TENM2: variants seen among roughly 807,000 people sequenced by gnomAD.
TENM2 encodes the protein teneurin transmembrane protein 2, also known as teneurin-2.
TENM2 carries 52 observed loss-of-function variants against 245.2 expected under a neutral mutation model. The observed-to-expected ratio is 0.21, with a 90% CI of 0.17 to 0.27. TENM2 has a LOEUF of 0.27. Ranked by LOEUF, TENM2 falls within the 10% of genes least tolerant of loss-of-function variation. The pLI is 1.00. For missense variants in TENM2, 3,046 were observed against 3,666.8 expected, an observed-to-expected ratio of 0.83 and a Z score of 4.37; for synonymous variants, 1,363 against 1,438.9, an observed-to-expected ratio of 0.95 and a Z score of 1.19.
intron 2 of TENM2, among the ~76,000 whole-genome samples, chr5:167,777,583 C>T (rs1459047483): frequency 6.6e-6 from 1 of 152,042 alleles, no homozygotes; most frequent in East Asian, 1.9e-4. Context: ...TGAGAAAGTT[C>T]CCTTGAAATT....
At chr5:168,206,115 G>A (rs1422705526) in intron 19 of TENM2, among the ~76,000 whole-genome samples, 3 of 152,224 alleles carry the variant, frequency 2.0e-5, no homozygotes, top group Admixed American at 6.5e-5. Context: ...CAACTGAGTG[G>A]ATGATGGCAT....
At chr5:168,102,870 TG>T (rs1205690374) in intron 9 of TENM2, among the ~76,000 whole-genome samples, 4 of 152,212 alleles carry the variant, frequency 2.6e-5, no homozygotes, top group African/African-American at 9.6e-5. Context: ...ATCAATGATA[TG>T]AGGTAAATTC....
At chr5:168,125,669 A>C (rs1043089297) in intron 11 of TENM2, among the ~76,000 whole-genome samples, 1 of 152,228 alleles carries the variant, frequency 6.6e-6, no homozygotes, top group Non-Finnish European at 1.5e-5. Flanking sequence ...GACAGCTGTC[A>C]GATTGCCATG....
At chr5:167,778,043 T>C (rs1031746899) in intron 2 of TENM2, among the ~76,000 whole-genome samples, 3 of 152,204 alleles carry the variant, frequency 2.0e-5, no homozygotes, top group Admixed American at 6.5e-5. Flanking sequence ...GTTGAGTAGT[T>C]GCACCACATG....
At chr5:167,726,841 A>G (rs1760043172) in intron 2 of TENM2, among the ~76,000 whole-genome samples, 1 of 152,154 alleles carries the variant, frequency 6.6e-6, no homozygotes, top group Admixed American at 6.5e-5. Flanking sequence ...GAGCTTGCTA[A>G]TGGCCACAGA....
intron 2 of TENM2, among the ~76,000 whole-genome samples, chr5:167,452,950 T>TATATATATATATATATATTTTAA (rs1554157772): frequency 2.0e-4 from 20 of 99,646 alleles, no homozygotes; most frequent in African/African-American, 6.4e-4. Context: ...TATATATATA[T>TATATATATATATATATATTTTAA]ATATATATAT....
intron 27 of TENM2, among the ~76,000 whole-genome samples, chr5:168,250,473 A>ACACT (rs1414674272): frequency 1.3e-5 from 2 of 152,208 alleles, no homozygotes; most frequent in Non-Finnish European, 2.9e-5. Flanking sequence ...GGAGGCATCG[A>ACACT]CACTCAGGTG....
At chr5:167,031,207 G>A in the TENM2 span, among the ~76,000 whole-genome samples, 8 of 152,222 alleles carry the variant, frequency 5.3e-5, no homozygotes, top group Non-Finnish European at 1.0e-4. Flanking sequence ...GTCTAGGATT[G>A]AGAAATCCAC....
intron 23 of TENM2, among the ~76,000 whole-genome samples, chr5:168,220,502 A>T (rs373199117): frequency 2.6e-5 from 4 of 152,240 alleles, no homozygotes; most frequent in African/African-American, 9.6e-5. Flanking sequence ...ATTGAAACTG[A>T]ATTTTTTTAT....
the TENM2 span, among the ~76,000 whole-genome samples, chr5:167,127,588 G>C: frequency 2.8e-5 from 4 of 142,270 alleles, no homozygotes; most frequent in Non-Finnish European, 6.0e-5. Flanking sequence ...GTCTTGAAAA[G>C]GAAAGCCCTG....
intron 2 of TENM2, among the ~76,000 whole-genome samples, chr5:167,522,858 G>A (rs1267503046): frequency 6.6e-6 from 1 of 152,068 alleles, no homozygotes; most frequent in Non-Finnish European, 1.5e-5. Flanking sequence ...AGGCAGCTAT[G>A]TGTGTTAGTA....
At chr5:168,258,886 A>T (rs959991531) in intron 27 of TENM2, among the ~76,000 whole-genome samples, 5 of 151,348 alleles carry the variant, frequency 3.3e-5, no homozygotes, top group South Asian at 2.1e-4. Flanking sequence ...TTTTTTTTTT[A>T]AAGGGAAATG....
At chr5:167,497,316 G>C (rs1768883542) in intron 2 of TENM2, among the ~76,000 whole-genome samples, 1 of 152,022 alleles carries the variant, frequency 6.6e-6, no homozygotes, top group African/African-American at 2.4e-5. Context: ...GAACAGGAAA[G>C]CTAGCTGGCT....
the TENM2 span, among the ~76,000 whole-genome samples, chr5:167,169,115 C>G: frequency 6.6e-6 from 1 of 152,100 alleles, no homozygotes; most frequent in Non-Finnish European, 1.5e-5. Context: ...AGCGTCTGTA[C>G]AGAGGGATAT....
At chr5:167,620,374 A>G (rs1387980613) in intron 2 of TENM2, among the ~76,000 whole-genome samples, 1 of 152,142 alleles carries the variant, frequency 6.6e-6, no homozygotes, top group Non-Finnish European at 1.5e-5. Context: ...GCTCTTGATC[A>G]TAATTTACTG....
chr5:168,035,243 C>T (rs79177976), intron 5 of TENM2, among the ~76,000 whole-genome samples: 2,357 of 152,254 alleles, frequency 0.015, 58 homozygotes, highest in African/African-American at 0.053. Flanking sequence ...TGCAGTGGCT[C>T]ACGCCTGTAA....
chr5:167,844,447 C>A (rs1769845334), intron 2 of TENM2, among the ~76,000 whole-genome samples: 1 of 152,214 alleles, frequency 6.6e-6, no homozygotes, highest in Admixed American at 6.5e-5. Flanking sequence ...TAATTTGCTG[C>A]AGGAACCTTG....
chr5:167,847,354 C>T (rs1233668265), intron 2 of TENM2, among the ~76,000 whole-genome samples: 1 of 152,238 alleles, frequency 6.6e-6, no homozygotes, highest in East Asian at 1.9e-4. Context: ...CTCACTTCCA[C>T]ACAAGAAAGC....
At chr5:168,204,310 G>A in intron 18 of TENM2, 62 bp from the exon 21 acceptor site, 3 of 1,551,070 alleles carry the variant, frequency 1.9e-6, no homozygotes, top group Admixed American at 1.8e-5. Context: ...CTCCCAGTTG[G>A]CCAATACACA....
Sources: allele counts gnomAD v4.1 joint callset (sites outside exome capture counted in the v4.1 genomes callset), GRCh38; gene constraint gnomAD v4.1.1; transcripts MANE v1.5; gene names NCBI Gene and HGNC (gene_info 2026-07-23, HGNC 2026-07-21).